PCSK5: variants seen among roughly 807,000 people sequenced by gnomAD.
The protein encoded by PCSK5 is prohormone convertase 5.
PCSK5 carries 129 observed loss-of-function variants against 233.2 expected under a neutral mutation model. The observed-to-expected ratio is 0.55, with a 90% CI of 0.48 to 0.64. The LOEUF is 0.64. Among genes scored for constraint, PCSK5 ranks in the 30% least tolerant of loss-of-function variants. The probability of loss-of-function intolerance (pLI) is 0.00; values close to 1 mark genes in which losing one functional copy is unlikely to be tolerated. For synonymous variants in PCSK5, 825 were observed against 879.2 expected, an observed-to-expected ratio of 0.94 and a Z score of 1.09; for missense variants, 2,076 against 2,430.1, an observed-to-expected ratio of 0.85 and a Z score of 3.06.
At chr9:75,985,931 C>T (rs551487675) in intron 2 of PCSK5, among the ~76,000 whole-genome samples, 4 of 152,044 alleles carry the variant, frequency 2.6e-5, no homozygotes, top group Non-Finnish European at 4.4e-5. Context: ...AACTAAAACA[C>T]CTGCTTGCAT....
chr9:76,210,098 C>T (rs527408591), intron 20 of PCSK5, among the ~76,000 whole-genome samples: 1 of 152,118 alleles, frequency 6.6e-6, no homozygotes, highest in Non-Finnish European at 1.5e-5. Flanking sequence ...CAGCAGCTGA[C>T]CTTGAGACAA....
chr9:76,278,599 CAT>C (rs1473335234), intron 24 of PCSK5, among the ~76,000 whole-genome samples: 1 of 151,724 alleles, frequency 6.6e-6, no homozygotes, highest in African/African-American at 2.4e-5. Context: ...AGCATAGAAA[CAT>C]ATATATGTAT....
intron 24 of PCSK5, among the ~76,000 whole-genome samples, chr9:76,268,003 C>T (rs2131369225): frequency 6.6e-6 from 1 of 151,674 alleles, no homozygotes; most frequent in Non-Finnish European, 1.5e-5. Flanking sequence ...GTCTGCCTTC[C>T]TTCAAAATGT....
intron 3 of PCSK5, among the ~76,000 whole-genome samples, chr9:76,007,832 G>GTGTGTA (rs1450636346): frequency 2.0e-5 from 3 of 150,044 alleles, no homozygotes; most frequent in Non-Finnish European, 2.9e-5. Flanking sequence ...GTGTGTGTGT[G>GTGTGTA]TGTGTGTGTA....
intron 7 of PCSK5, among the ~76,000 whole-genome samples, chr9:76,089,805 G>A (rs147336836): frequency 7.7e-4 from 117 of 152,194 alleles, no homozygotes; most frequent in African/African-American, 2.5e-3. Flanking sequence ...AGCCTGGCTC[G>A]GATTGTATGA....
At position 76,023,648 on chromosome 9, in the gene PCSK5, GA is replaced by G. The variant is rs368950379; in HGVS notation, c.412-79del. 6.7e-3 allele frequency: 6,786 copies of G among 1,010,832 alleles called. 2 individuals are homozygous for G. Among genetic ancestry groups the G allele is most frequent in the African/African-American group, 0.011 (659 of 58,928 alleles). 62.6% of individuals were successfully genotyped at this position (1,010,832 alleles called of 1,614,324 possible). ...ACTACACTCCAGCCTGGGCAGCAGAGAAAAAAAAAAACAAAAGAAAGAAAGA... is the reference window on the plus strand; with the variant it reads ...ACTACACTCCAGCCTGGGCAGCAGAGAAAAAAAAAACAAAAGAAAGAAAGA... On this transcript the variant is annotated intron_variant, in intron 3 of 37. Transcript: ENST00000674117.
At chr9:76,077,071 G>A (rs1256646397) in intron 7 of PCSK5, among the ~76,000 whole-genome samples, 2 of 152,144 alleles carry the variant, frequency 1.3e-5, no homozygotes, top group Non-Finnish European at 2.9e-5. Flanking sequence ...ATTCAGCCTA[G>A]CCAAAGAAGA....
intron 6 of PCSK5, among the ~76,000 whole-genome samples, chr9:76,070,340 C>T (rs1487413241): frequency 6.6e-6 from 1 of 152,156 alleles, no homozygotes; most frequent in Non-Finnish European, 1.5e-5. Context: ...TTTCATTCTC[C>T]ACCTCTCCTG....
intron 22 of PCSK5, among the ~76,000 whole-genome samples, chr9:76,237,613 CA>C (rs773927138): frequency 0.091 from 11,631 of 128,112 alleles, 421 homozygotes; most frequent in South Asian, 0.1. Flanking sequence ...ACAAAACATA[CA>C]AAAAAAAAAA....
rs1564196747 is a variant in PCSK5 at position 76,351,496 on chromosome 9, G to GAAAGAAAGAA, written c.5067+570_5067+579dup. Among the ~76,000 whole-genome samples, 6 of 97,692 alleles carry GAAAGAAAGAA rather than the reference G, an allele frequency of 6.1e-5. 1 individual carries two copies. Among genetic ancestry groups the GAAAGAAAGAA allele is most frequent in the African/African-American group, 2.2e-4 (6 of 27,782 alleles). The allele number at this position is 97,692 out of a possible 152,430, so 64.1% of individuals were successfully genotyped here. A position where few individuals can be genotyped will look rare whatever the true frequency, so the allele number is the denominator to read the frequency against. On this transcript the variant is annotated intron_variant, in intron 36 of 37. Transcript: ENST00000674117. ...AGAAAGAAAGAAAGAAAGAAAGAAAGAAAGAAAGAAAGAAAGAAAGAAAGA... is the reference window on the plus strand; with the variant it reads ...AGAAAGAAAGAAAGAAAGAAAGAAAGAAAGAAAGAAAAAGAAAGAAAGAAAGAAAGAAAGA...
chr9:75,984,183 T>C (rs1826401608), intron 2 of PCSK5, among the ~76,000 whole-genome samples: 1 of 152,212 alleles, frequency 6.6e-6, no homozygotes, highest in Non-Finnish European at 1.5e-5. Context: ...ATAGTTCATC[T>C]AGGAAAATGG....
chr9:76,261,946 T>G (rs1827186812), intron 24 of PCSK5, among the ~76,000 whole-genome samples: 1 of 152,202 alleles, frequency 6.6e-6, no homozygotes, highest in South Asian at 2.1e-4. Flanking sequence ...TCATGTCATC[T>G]GCAAACAGGG....
At chr9:76,275,180 G>T (rs778184466) in intron 24 of PCSK5, among the ~76,000 whole-genome samples, 21 of 151,976 alleles carry the variant, frequency 1.4e-4, no homozygotes, top group Non-Finnish European at 2.8e-4. Flanking sequence ...CATGAGGTTT[G>T]GATGGTCAAA....
At chr9:76,323,316 C>T (rs1402991384) in intron 32 of PCSK5, 28 bp downstream of exon 32, 1 of 1,384,966 alleles carries the variant, frequency 7.2e-7, no homozygotes, top group East Asian at 2.3e-5. Flanking sequence ...TCAAAATAGG[C>T]TCCGGGGTTT....
Position 76,217,560 on chromosome 9 carries a change from A to G in PCSK5, c.2627-9943A>G, listed in dbSNP as rs1052704467. ...TTATGGAACTTGCCCAAGGTTACAC[A>G]TGTAGCCAAGACAGGGCTGAGGTTC... On this transcript the variant is annotated intron_variant, in intron 20 of 37. Coordinates refer to ENST00000674117, the MANE Select transcript of PCSK5 (RefSeq NM_001372043.1). Among the ~76,000 whole-genome samples the G allele has an allele frequency of 4.6e-5, 7 of 152,244 alleles. No homozygotes were observed. In the South Asian group the frequency reaches 6.2e-4, roughly 13 times the overall value.
At chr9:76,017,738 TTGTGTGTGTGTATG>T (rs777644336) in intron 3 of PCSK5, among the ~76,000 whole-genome samples, 15 of 151,848 alleles carry the variant, frequency 9.9e-5, no homozygotes, top group South Asian at 2.1e-4. Flanking sequence ...CTGGGGGCAA[TTGTGTGTGTGTATG>T]TGTGTGTGTG....
intron 2 of PCSK5, among the ~76,000 whole-genome samples, chr9:75,937,747 A>G (rs1238411129): frequency 6.6e-6 from 1 of 152,204 alleles, no homozygotes; most frequent in Admixed American, 6.5e-5. Flanking sequence ...GATCTTCTGT[A>G]TCACTTGCTG....
intron 24 of PCSK5, among the ~76,000 whole-genome samples, chr9:76,273,963 GTT>G (rs533900337): frequency 7.0e-6 from 1 of 142,150 alleles, no homozygotes; most frequent in Admixed American, 7.1e-5. Context: ...GGTGGGTTTT[GTT>G]TTTTTTTTTC....
At chr9:76,069,996 AT>A (rs146321207) in intron 6 of PCSK5, among the ~76,000 whole-genome samples, 2,686 of 122,504 alleles carry the variant, frequency 0.022, 78 homozygotes, top group African/African-American at 0.066. Context: ...TTCCATTCCA[AT>A]TTTTTTTTTT....
Sources: gnomAD v4.1 joint callset for allele counts (sites outside exome capture counted in the v4.1 genomes callset) on GRCh38, gnomAD v4.1.1 for gene constraint, MANE v1.5 for transcripts, NCBI Gene and HGNC (gene_info 2026-07-23, HGNC 2026-07-21) for gene names.